Variants in TEAD1 observed in about 807,000 individuals in gnomAD.
TEAD1 encodes the protein TEA domain transcription factor 1.
In TEAD1, 9 loss-of-function variants were observed where a neutral mutation model predicts 54.9. The ratio of observed to expected loss-of-function variants is 0.16; its 90% CI spans 0.10 to 0.29. The LOEUF (loss-of-function observed/expected upper bound fraction) is 0.29. Among genes scored for constraint, TEAD1 ranks in the 10% least tolerant of loss-of-function variants. TEAD1 has a pLI of 1.00. For missense variants in TEAD1, 387 were observed against 535.9 expected, an observed-to-expected ratio of 0.72 and a Z score of 2.74; for synonymous variants, 200 against 187.8, an observed-to-expected ratio of 1.07 and a Z score of -0.53.
At chr11:12,832,828 G>T (rs1316105323) in intron 3 of TEAD1, among the ~76,000 whole-genome samples, 5 of 152,220 alleles carry the variant, frequency 3.3e-5, no homozygotes, top group Non-Finnish European at 7.3e-5. Context: ...TTGATCCTAA[G>T]AAATTGAAAA....
chr11:12,759,652 G>C (rs1287486206), intron 2 of TEAD1, among the ~76,000 whole-genome samples: 1 of 152,190 alleles, frequency 6.6e-6, no homozygotes, highest in Non-Finnish European at 1.5e-5. Flanking sequence ...TATGAGGTCA[G>C]GAGTTCGAGA....
intron 3 of TEAD1, among the ~76,000 whole-genome samples, chr11:12,791,167 T>G (rs1329738251): frequency 9.9e-5 from 15 of 152,232 alleles, no homozygotes; most frequent in Non-Finnish European, 2.1e-4. Flanking sequence ...TTTGTCTTCT[T>G]ATATGGGGTT....
At chr11:12,884,159 T>C (rs1014556073) in intron 9 of TEAD1, among the ~76,000 whole-genome samples, 1 of 151,964 alleles carries the variant, frequency 6.6e-6, no homozygotes, top group Non-Finnish European at 1.5e-5. Flanking sequence ...CATCGTCCCA[T>C]TGTTTCTCAG....
At chr11:12,702,830 T>TA (rs1943732363) in intron 2 of TEAD1, among the ~76,000 whole-genome samples, 1 of 152,232 alleles carries the variant, frequency 6.6e-6, no homozygotes, top group African/African-American at 2.4e-5. Flanking sequence ...ATAATGCACT[T>TA]ACATAGCCAT....
chr11:12,690,652 A>G (rs1943439667), intron 2 of TEAD1, among the ~76,000 whole-genome samples: 1 of 152,236 alleles, frequency 6.6e-6, no homozygotes, highest in Non-Finnish European at 1.5e-5. Flanking sequence ...GGAGGCACAC[A>G]ATGTACAGTG....
intron 2 of TEAD1, among the ~76,000 whole-genome samples, chr11:12,740,408 C>T (rs1014913177): frequency 6.6e-5 from 10 of 152,030 alleles, no homozygotes; most frequent in South Asian, 4.1e-4. Context: ...ATTTGGTCTA[C>T]GTAAAATAGG....
intron 3 of TEAD1, among the ~76,000 whole-genome samples, chr11:12,813,154 G>A (rs1029518167): frequency 5.3e-5 from 8 of 152,180 alleles, no homozygotes; most frequent in Non-Finnish European, 1.2e-4. Flanking sequence ...TGTGCTGAGG[G>A]AGGTGGAGCT....
Position 12,701,039 on chromosome 11 carries a change from C to A in TEAD1, c.-55+25478C>A, listed in dbSNP as rs186747219. On this transcript the variant is annotated intron_variant, in intron 2 of 12. Transcript: ENST00000527636. ...AGATTTTGAGCAAAGCCATAGCAGA[C>A]CCCCTCTGGGACCCCTTTGAATTTT... Among the ~76,000 whole-genome samples, 17 of 152,256 alleles carry A rather than the reference C, an allele frequency of 1.1e-4. No homozygotes were observed. In the East Asian group the frequency reaches 2.3e-3, roughly 21 times the overall value.
intron 12 of TEAD1, among the ~76,000 whole-genome samples, chr11:12,933,097 G>T (rs184974709): frequency 1.3e-5 from 2 of 152,074 alleles, no homozygotes; most frequent in East Asian, 1.9e-4. Flanking sequence ...CTGTTGGTTC[G>T]CATGACAAAA....
chr11:12,786,275 GT>G (rs1718091746), intron 3 of TEAD1, among the ~76,000 whole-genome samples: 1 of 152,180 alleles, frequency 6.6e-6, no homozygotes, highest in Admixed American at 6.5e-5. Flanking sequence ...GCACTGGCTT[GT>G]TTTTCTATCT....
chr11:12,801,267 T>TG (rs1946054716), intron 3 of TEAD1, among the ~76,000 whole-genome samples: 1 of 152,142 alleles, frequency 6.6e-6, no homozygotes, highest in African/African-American at 2.4e-5. Context: ...TTATACATGG[T>TG]GATTGGTCTT....
At chr11:12,689,201 A>G (rs185505267) in intron 2 of TEAD1, among the ~76,000 whole-genome samples, 2 of 151,638 alleles carry the variant, frequency 1.3e-5, no homozygotes, top group African/African-American at 4.8e-5. Context: ...CAGAGACTCT[A>G]CCCTGCAGTT....
rs112368417 is a variant in TEAD1, at chr11:12,708,952, C to T, written c.-55+33391C>T. 3.3e-5 allele frequency among the ~76,000 whole-genome samples: 5 copies of T among 152,264 alleles called. No homozygotes were observed. In the East Asian group the frequency reaches 5.8e-4, roughly 18 times the overall value. On this transcript the variant is annotated intron_variant, in intron 2 of 12. Coordinates refer to ENST00000527636, the MANE Select transcript of TEAD1 (RefSeq NM_021961.6). ...GAGGAAGAATATCAAATGCTAATAGCGATCATCAAATGCTAATAGTGATTA... is the reference window on the plus strand; with the variant it reads ...GAGGAAGAATATCAAATGCTAATAGTGATCATCAAATGCTAATAGTGATTA...
rs559772297 is a variant in TEAD1 at position 12,744,633 on chromosome 11, C to A, written c.-54-19546C>A. On this transcript the variant is annotated intron_variant, in intron 2 of 12. Transcript: ENST00000527636. ...TTTGTGGATGTTTCTATATGTTCCA[C>A]TTTTGGTCATCTATGGGTATTAACT... Among the ~76,000 whole-genome samples, 7 of 152,292 alleles carry A rather than the reference C, an allele frequency of 4.6e-5. No homozygotes were observed. The East Asian group carries it at 1.4e-3, about 29-fold the overall frequency.
intron 2 of TEAD1, among the ~76,000 whole-genome samples, chr11:12,678,670 C>T (rs1004829232): frequency 6.6e-6 from 1 of 152,124 alleles, no homozygotes; most frequent in African/African-American, 2.4e-5. Context: ...CTGGGGCTTC[C>T]CTCTTCTTGG....
chr11:12,786,084 G>A (rs1436069052), intron 3 of TEAD1, among the ~76,000 whole-genome samples: 3 of 152,116 alleles, frequency 2.0e-5, no homozygotes, highest in African/African-American at 2.4e-5. Flanking sequence ...GGTGTGTGAC[G>A]GAGCAGGGCA....
At chr11:12,846,386 G>A (rs763990971) in intron 3 of TEAD1, among the ~76,000 whole-genome samples, 89 of 152,234 alleles carry the variant, frequency 5.8e-4, no homozygotes, top group African/African-American at 2.0e-3. Context: ...CTGCTTAAGC[G>A]GTTGTTGACT....
chr11:12,732,556 G>A lies in TEAD1; in HGVS notation c.-54-31623G>A, dbSNP rs144619359. ...GGAGGAAGAGACAAAAAACTGGCCA[G>A]ACCATGGGTAATGGATGTAGTAAAG... On this transcript the variant is annotated intron_variant, in intron 2 of 12. Transcript: ENST00000527636. Among the ~76,000 whole-genome samples, 126 of 152,312 alleles carry A rather than the reference G, an allele frequency of 8.3e-4. 1 individual carries two copies. The East Asian group carries it at 0.02, about 24-fold the overall frequency.
chr11:12,805,989 A>G (rs149832342), intron 3 of TEAD1, among the ~76,000 whole-genome samples: 65 of 152,272 alleles, frequency 4.3e-4, no homozygotes, highest in African/African-American at 1.4e-3. Flanking sequence ...TCATTAGTCC[A>G]TTTACAATGG....
Sources: gnomAD v4.1 joint callset for allele counts (sites outside exome capture counted in the v4.1 genomes callset) on GRCh38, gnomAD v4.1.1 for gene constraint, MANE v1.5 for transcripts, NCBI Gene and HGNC (gene_info 2026-07-23, HGNC 2026-07-21) for gene names.